IQCK: variants seen among roughly 807,000 people sequenced by gnomAD.
The protein encoded by IQCK is IQ domain-containing protein K.
IQCK carries 29 observed loss-of-function variants against 28.1 expected under a neutral mutation model. That is an observed-to-expected ratio of 1.03 (90% CI 0.77 to 1.41). The LOEUF (loss-of-function observed/expected upper bound fraction) is 1.41, where lower values mean the gene tolerates loss of function less well. Among genes scored for constraint, IQCK ranks in the 40% most tolerant of loss-of-function variants. IQCK has a pLI of 0.00. For synonymous variants in IQCK, 113 were observed against 115.1 expected, an observed-to-expected ratio of 0.98 and a Z score of 0.12; for missense variants, 359 against 314.7, an observed-to-expected ratio of 1.14 and a Z score of -1.07.
rs143138771 is a variant in IQCK at position 19,846,073 on chromosome 16, T to A, written c.803-10414T>A. 4.4e-3 allele frequency among the ~76,000 whole-genome samples: 671 copies of A among 152,298 alleles called. 3 individuals are homozygous for A. Among genetic ancestry groups the A allele is most frequent in the Non-Finnish European group, 7.4e-3 (505 of 68,018 alleles). ...GCCTGGGCAATAGAGCGAGACCCCA[T>A]CTCAAAAAATAATAATAATTTTATT... is the stretch of plus-strand genomic sequence containing the variant. On this transcript the variant is annotated intron_variant, in intron 9 of 9. Coordinates refer to the IQCK transcript ENST00000320394.
At chr16:19,835,611 G>GTCT (rs2056285739) in intron 9 of IQCK, among the ~76,000 whole-genome samples, 1 of 145,492 alleles carries the variant, frequency 6.9e-6, no homozygotes, top group East Asian at 2.0e-4. Context: ...TTGAGACAGA[G>GTCT]TCTTGCTCTG....
intron 7 of IQCK, among the ~76,000 whole-genome samples, chr16:19,806,123 A>G (rs2055830349): frequency 6.6e-6 from 1 of 152,124 alleles, no homozygotes; most frequent in African/African-American, 2.4e-5. Flanking sequence ...CTGAGACCTG[A>G]ATGAAGTTCA....
At chr16:19,754,439 A>G (rs1055904835) in intron 4 of IQCK, among the ~76,000 whole-genome samples, 3 of 152,316 alleles carry the variant, frequency 2.0e-5, no homozygotes, top group East Asian at 3.9e-4. Flanking sequence ...CTCTTCTCCT[A>G]TCTTACTCCA....
At chr16:19,776,682 C>A (rs1464618572) in intron 6 of IQCK, among the ~76,000 whole-genome samples, 2 of 152,172 alleles carry the variant, frequency 1.3e-5, no homozygotes, top group African/African-American at 4.8e-5. Context: ...GCACTCCAGC[C>A]TGGGTGATAG....
intron 6 of IQCK, among the ~76,000 whole-genome samples, chr16:19,770,211 A>G (rs2055301190): frequency 6.6e-6 from 1 of 152,200 alleles, no homozygotes; most frequent in Admixed American, 6.5e-5. Context: ...AGTTGATTCC[A>G]GTTCAATGAA....
chr16:19,812,429 C>T (rs545127826), intron 7 of IQCK, among the ~76,000 whole-genome samples: 1 of 152,292 alleles, frequency 6.6e-6, no homozygotes, highest in East Asian at 1.9e-4. Flanking sequence ...ATCTAGCCTA[C>T]TGCCTGTTTT....
chr16:19,772,301 AGATGAGGGTAG>A (rs1220333847), intron 6 of IQCK, among the ~76,000 whole-genome samples: 1 of 152,210 alleles, frequency 6.6e-6, no homozygotes, highest in Non-Finnish European at 1.5e-5. Context: ...AGAAACACTA[AGATGAGGGTAG>A]TGGGGTCCAT....
chr16:19,828,889 A>G (rs1301556733), downstream of IQCK, among the ~76,000 whole-genome samples: 2 of 139,808 alleles, frequency 1.4e-5, no homozygotes, highest in Non-Finnish European at 3.0e-5. Flanking sequence ...TATATAAAAT[A>G]TATATTATAT....
rs1017581734 is a variant in IQCK at position 19,730,574 on chromosome 16, T to A, written c.246+80T>A. The A allele has an allele frequency of 5.3e-6, 6 of 1,128,976 alleles. No individual in the cohort carries two copies. The African/African-American group carries it at 9.4e-5, about 18-fold the overall frequency. The allele number at this position is 1,128,976 out of a possible 1,614,324, so 69.9% of individuals were successfully genotyped here. A position where few individuals can be genotyped will look rare whatever the true frequency, so the allele number is the denominator to read the frequency against. Reference sequence around the variant, plus strand: ...TTGATGGCCTGTGAATGTCACACAGTGTCACTGAGTTCAGGAGGTGGGAAA... The same window carrying A: ...TTGATGGCCTGTGAATGTCACACAGAGTCACTGAGTTCAGGAGGTGGGAAA... On this transcript the variant is annotated intron_variant, in intron 2 of 7. Coordinates refer to ENST00000564186, the Ensembl canonical transcript of IQCK.
At chr16:19,812,270 A>G (rs2055917036) in intron 7 of IQCK, among the ~76,000 whole-genome samples, 1 of 152,190 alleles carries the variant, frequency 6.6e-6, no homozygotes, top group Admixed American at 6.5e-5. Context: ...TACAAGCATG[A>G]GCCACTATGC....
At chr16:19,751,938 G>A (rs968099051) in intron 4 of IQCK, among the ~76,000 whole-genome samples, 1 of 152,122 alleles carries the variant, frequency 6.6e-6, no homozygotes, top group African/African-American at 2.4e-5. Flanking sequence ...CACTCTACAA[G>A]AGTTGGAAGG....
intron 9 of IQCK, among the ~76,000 whole-genome samples, chr16:19,851,822 A>G (rs1312854408): frequency 6.6e-6 from 1 of 152,026 alleles, no homozygotes; most frequent in East Asian, 1.9e-4. Context: ...ATTCTACAGC[A>G]TCCTGGCTTA....
chr16:19,848,199 G>A (rs1306011538), intron 9 of IQCK, among the ~76,000 whole-genome samples: 1 of 152,178 alleles, frequency 6.6e-6, no homozygotes, highest in Non-Finnish European at 1.5e-5. Context: ...ATTCTGGTGG[G>A]TGTGTGGTGG....
intron 7 of IQCK, among the ~76,000 whole-genome samples, chr16:19,809,307 C>T (rs571041024): frequency 2.6e-5 from 4 of 152,200 alleles, no homozygotes; most frequent in South Asian, 4.1e-4. Flanking sequence ...TTTTTCATGA[C>T]GTGTGTTAGC....
intron 4 of IQCK, chr16:19,761,605 T>C (rs2055144400): frequency 3.6e-6 from 1 of 279,386 alleles, no homozygotes; most frequent in Non-Finnish European, 7.2e-6. Context: ...TCCATAACAA[T>C]TCTCTAAAAG....
chr16:19,779,731 T>A lies in IQCK; in HGVS notation c.606-9107T>A, dbSNP rs181055393. 1.7e-3 allele frequency among the ~76,000 whole-genome samples: 251 copies of A among 151,348 alleles called. 1 individual carries two copies. The highest frequency in any genetic ancestry group is 3.5e-3 in the South Asian group (17 of 4,814). ...ATTTATTTTATTTATTTATTTATTT[T>A]TTTTGAGATGGAGTCTCGCTCTGTC... is the stretch of plus-strand genomic sequence containing the variant. On this transcript the variant is annotated intron_variant, in intron 6 of 7. Transcript: ENST00000564186.
At chr16:19,835,558 T>G (rs561620346) in intron 9 of IQCK, among the ~76,000 whole-genome samples, 1 of 152,066 alleles carries the variant, frequency 6.6e-6, no homozygotes, top group South Asian at 2.1e-4. Flanking sequence ...CTAGCTTGCT[T>G]GTAGAAGTAT....
chr16:19,759,936 G>A (rs1597528601), intron 4 of IQCK, among the ~76,000 whole-genome samples: 1 of 152,036 alleles, frequency 6.6e-6, no homozygotes, highest in East Asian at 1.9e-4. Flanking sequence ...ACCAGCCTGG[G>A]CAACAGAGTG....
At position 19,735,482 on chromosome 16, in the gene IQCK, A is replaced by T. The variant is rs747316262; in HGVS notation, c.474+32A>T. On this transcript the variant is annotated intron_variant, in intron 4 of 7. Transcript: ENST00000564186. ...TGTTTGGCAGGATTTCTTTATTTTG[A>T]GATTCTCAATCATTCATTATTATCA... The T allele has an allele frequency of 2.7e-6, 4 of 1,462,630 alleles. No homozygotes were observed. The African/African-American group carries it at 5.6e-5, about 20-fold the overall frequency. The allele number at this position is 1,462,630 out of a possible 1,614,324, so 90.6% of individuals were successfully genotyped here.
Sources: allele counts gnomAD v4.1 joint callset (sites outside exome capture counted in the v4.1 genomes callset), GRCh38; gene constraint gnomAD v4.1.1; transcripts MANE v1.5; gene names NCBI Gene and HGNC (gene_info 2026-07-23, HGNC 2026-07-21).